The following CPOX variants were observed in gnomAD, a reference collection of about 807,000 sequenced individuals.
The protein encoded by CPOX is oxygen-dependent coproporphyrinogen-III oxidase, mitochondrial.
CPOX carries 24 observed loss-of-function variants against 48.9 expected under a neutral mutation model. The ratio of observed to expected loss-of-function variants is 0.49; its 90% CI spans 0.36 to 0.69. CPOX has a LOEUF of 0.69. CPOX is among the 30% of genes least tolerant of loss of function. CPOX has a pLI of 0.00. For missense variants in CPOX, 549 were observed against 597.3 expected (o/e 0.92, Z 0.84); for synonymous variants, 249 against 234.6 (o/e 1.06, Z -0.56).
In CPOX at chr3:98,579,521, C is replaced by G; in HGVS notation, c.*1162G>C. 1.0e-6 allele frequency: 1 copy of G among 984,610 alleles called. No homozygotes were observed. Among genetic ancestry groups the G allele is most frequent in the Non-Finnish European group, 1.2e-6 (1 of 829,292 alleles). The allele number at this position is 984,610 out of a possible 1,614,324, so 61.0% of individuals were successfully genotyped here. On this transcript the variant is annotated 3_prime_UTR_variant, in exon 7 of 7. Coordinates refer to ENST00000647941, the MANE Select transcript of CPOX (RefSeq NM_000097.7). Reference sequence around the variant, plus strand: ...TGAAGAATTCATACATTTTCCAGCCCCAAAAAGGCCACACAGAATCACAAA... The same window carrying G: ...TGAAGAATTCATACATTTTCCAGCCGCAAAAAGGCCACACAGAATCACAAA...
intron 3 of CPOX, among the ~76,000 whole-genome samples, chr3:98,590,217 C>T (rs966530522): frequency 4.9e-4 from 74 of 152,332 alleles, no homozygotes; most frequent in African/African-American, 1.7e-3. Flanking sequence ...GCACAATCTC[C>T]GCTCACTGCA....
At chr3:98,571,930 A>G in the CPOX span, among the ~76,000 whole-genome samples, 1 of 152,066 alleles carries the variant, frequency 6.6e-6, no homozygotes, top group African/African-American at 2.4e-5. Flanking sequence ...TATTGTCAGT[A>G]TAGTTTCTGT....
At chr3:98,584,574 T>C (rs150717612) in intron 5 of CPOX, among the ~76,000 whole-genome samples, 595 of 152,360 alleles carry the variant, frequency 3.9e-3, no homozygotes, top group African/African-American at 0.014. Context: ...ACCTCTTTAG[T>C]ACCCAAAGCT....
chr3:98,582,478 C>A (rs1195833799), intron 5 of CPOX, among the ~76,000 whole-genome samples: 1 of 151,772 alleles, frequency 6.6e-6, no homozygotes, highest in Non-Finnish European at 1.5e-5. Context: ...TAGATTCCCA[C>A]AATAATTTTT....
the CPOX span, among the ~76,000 whole-genome samples, chr3:98,570,870 C>T: frequency 6.6e-6 from 1 of 152,174 alleles, no homozygotes; most frequent in African/African-American, 2.4e-5. Flanking sequence ...ATTAGCTTTT[C>T]ATTAGTTTTA....
intron 2 of CPOX, 31 bp downstream of exon 2, chr3:98,590,981 T>G (rs1331181844): frequency 1.2e-6 from 2 of 1,612,972 alleles, no homozygotes; most frequent in Non-Finnish European, 1.7e-6. Context: ...TTGCAGGGAC[T>G]ATTAGAGACT....
Position 98,590,761 on chromosome 3 carries a change from G to A in CPOX, c.701-19C>T. On this transcript the variant is annotated intron_variant, in intron 2 of 6. Transcript: ENST00000647941. ...AATTTACCTGGAAAGTAAAATATGA[G>A]TCATGAGCTATATTCAGTTACCTTG... is the stretch of plus-strand genomic sequence containing the variant. The A allele has an allele frequency of 6.5e-7, 1 of 1,534,630 alleles. No homozygotes were observed. Among genetic ancestry groups the A allele is most frequent in the Non-Finnish European group, 9.0e-7 (1 of 1,108,040 alleles).
At position 98,592,933 on chromosome 3, in the gene CPOX, G is replaced by A. The variant is rs1421353697; in HGVS notation, c.556+16C>T. Reference sequence around the variant, plus strand: ...TTTCCCTGTCTCCAACTCCCGCCAGGGGCCGGCCTCCTTACCTTCCTTCCT... The same window carrying A: ...TTTCCCTGTCTCCAACTCCCGCCAGAGGCCGGCCTCCTTACCTTCCTTCCT... On this transcript the variant is annotated intron_variant, in intron 1 of 6. Transcript: ENST00000647941. The A allele has an allele frequency of 1.0e-5, 16 of 1,607,536 alleles. No individual in the cohort carries two copies. Among genetic ancestry groups the A allele is most frequent in the African/African-American group, 4.0e-5 (3 of 74,512 alleles).
At chr3:98,588,575 C>A in intron 4 of CPOX, 138 bp downstream of exon 4, 1 of 815,926 alleles carries the variant, frequency 1.2e-6, no homozygotes, top group Non-Finnish European at 2.0e-6. Context: ...AACCAGTATT[C>A]TAATTCTTCT....
rs994619011 is a variant in CPOX at position 98,585,854 on chromosome 3, G to A, written c.954-195C>T. On this transcript the variant is annotated intron_variant, in intron 4 of 6. Transcript: ENST00000647941. ...TGCAGATATCACCAAGGTAGAAAAT[G>A]CTTATCCTCTTTTTCTTTTCTTTTC... is the stretch of plus-strand genomic sequence containing the variant. 59 of 622,946 alleles carry A rather than the reference G, an allele frequency of 9.5e-5. 1 individual carries two copies. Among genetic ancestry groups the A allele is most frequent in the African/African-American group, 9.3e-4 (50 of 53,796 alleles). 38.6% of individuals were successfully genotyped at this position (622,946 alleles called of 1,614,324 possible).
At chr3:98,581,584 T>C in intron 5 of CPOX, 73 bp from the exon 6 acceptor site, 2 of 1,225,352 alleles carry the variant, frequency 1.6e-6, no homozygotes, top group Non-Finnish European at 2.4e-6. Context: ...AACAAATACT[T>C]AAAAAGGGGT....
chr3:98,587,543 G>C (rs550677161), intron 4 of CPOX, among the ~76,000 whole-genome samples: 9 of 149,582 alleles, frequency 6.0e-5, no homozygotes, highest in Non-Finnish European at 1.3e-4. Flanking sequence ...ATCACATGGT[G>C]GGGGGCTGAA....
In CPOX at chr3:98,591,116, A is replaced by G. The variant is rs1165964219; in HGVS notation, c.596T>C (p.Val199Ala). The change falls in exon 2 of 7, where the codon GTT becomes GCT. Residue 199 changes from valine to alanine, a missense_variant. Transcript: ENST00000647941. Reference sequence around the variant, plus strand: ...AATGCTCACCCCAGCCTTTTCGAAAACACACCCATCTTGAAGTACACAGCT... The same window carrying G: ...AATGCTCACCCCAGCCTTTTCGAAAGCACACCCATCTTGAAGTACACAGCT... ...GISCVLQDGC[V>A]FEKAGVSISV... 6.2e-7 allele frequency: 1 copy of G among 1,614,000 alleles called. No individual in the cohort carries two copies. Among genetic ancestry groups the G allele is most frequent in the East Asian group, 2.2e-5 (1 of 44,890 alleles).
the CPOX span, among the ~76,000 whole-genome samples, chr3:98,573,765 T>C: frequency 6.6e-6 from 1 of 152,222 alleles, no homozygotes; most frequent in African/African-American, 2.4e-5. Context: ...TTTTAAGTGT[T>C]AACTTAAATC....
At position 98,593,169 on chromosome 3, in the gene CPOX, C is replaced by G; in HGVS notation, c.336G>C (p.Ser112=). ...CCTCCTCCTCCTCCGGCCTCCCCAG[C>G]GAAGTGGCCCGCGTCCCCGAGGTCT... The part of the protein sequence containing the change: ...LPKTSGTRAT[S]LGRPEEEEDE... The change falls in exon 1 of 7, where the codon TCG becomes TCC. Residue 112 remains serine, a synonymous_variant. Transcript: ENST00000647941. 1 of 1,610,328 alleles carries G rather than the reference C, an allele frequency of 6.2e-7. No individual in the cohort carries two copies. Among genetic ancestry groups the G allele is most frequent in the South Asian group, 1.1e-5 (1 of 90,760 alleles).
chr3:98,586,748 T>A (rs1044375990), intron 4 of CPOX, among the ~76,000 whole-genome samples: 8 of 151,952 alleles, frequency 5.3e-5, no homozygotes, highest in African/African-American at 1.9e-4. Flanking sequence ...ATCGAGACCA[T>A]CCTGGCTAAC....
intron 4 of CPOX, among the ~76,000 whole-genome samples, 181 bp downstream of exon 4, chr3:98,588,532 T>C (rs1707410227): frequency 1.3e-5 from 2 of 152,226 alleles, no homozygotes; most frequent in African/African-American, 4.8e-5. Context: ...ATATTAAATA[T>C]TTCTAAGTAA....
intron 5 of CPOX, among the ~76,000 whole-genome samples, chr3:98,584,727 C>T (rs538301909): frequency 3.7e-4 from 57 of 152,284 alleles, no homozygotes; most frequent in South Asian, 1.7e-3. Flanking sequence ...TACAAGTACA[C>T]CGTGGCTGGA....
Position 98,579,714 on chromosome 3 carries a change from TAAA to T in CPOX, c.*966_*968del. On this transcript the variant is annotated 3_prime_UTR_variant, in exon 7 of 7. Transcript: ENST00000647941. The stretch of plus-strand genomic sequence containing the variant: ...GCAAAGAGCTGCAGAATCTCTAATA[TAAA>T]AAAGAGGACATTTTCAATGTGTCCA... The T allele has an allele frequency of 1.0e-6, 1 of 985,422 alleles. No homozygotes were observed. Among genetic ancestry groups the T allele is most frequent in the African/African-American group, 1.7e-5 (1 of 57,364 alleles). The allele number at this position is 985,422 out of a possible 1,614,324, so 61.0% of individuals were successfully genotyped here.
Sources: allele counts gnomAD v4.1 joint callset (sites outside exome capture counted in the v4.1 genomes callset), GRCh38; gene constraint gnomAD v4.1.1; transcripts MANE v1.5; gene names NCBI Gene and HGNC (gene_info 2026-07-23, HGNC 2026-07-21).